The following PTCHD4 variants were observed in gnomAD, a reference collection of about 807,000 sequenced individuals.
The protein encoded by PTCHD4 is patched domain-containing protein 4.
A neutral mutation model predicts 58.1 loss-of-function variants in PTCHD4; 33 were observed. That is an observed-to-expected ratio of 0.57 (90% CI 0.43 to 0.76). PTCHD4 has a LOEUF of 0.76. Ranked by LOEUF, PTCHD4 falls within the 30% of genes least tolerant of loss-of-function variation. The pLI, the probability that PTCHD4 is intolerant of heterozygous loss-of-function variation, is 0.00. For missense variants in PTCHD4, 1,058 were observed against 1,027.1 expected (o/e 1.03, Z -0.41); for synonymous variants, 478 against 409.6 (o/e 1.17, Z -2.02).
intron 4 of PTCHD4, among the ~76,000 whole-genome samples, chr6:48,003,440 G>T (rs1344048310): frequency 6.6e-6 from 1 of 151,974 alleles, no homozygotes; most frequent in Non-Finnish European, 1.5e-5. Context: ...TCTCTTACAT[G>T]CCATATCTAG....
intron 3 of PTCHD4, among the ~76,000 whole-genome samples, chr6:48,033,061 A>C (rs1463154046): frequency 2.0e-5 from 3 of 152,140 alleles, no homozygotes; most frequent in Admixed American, 2.0e-4. Context: ...TTTTCTGAAC[A>C]GAAAAGGACA....
intron 3 of PTCHD4, among the ~76,000 whole-genome samples, chr6:48,057,328 T>C (rs1562030746): frequency 6.6e-6 from 1 of 152,208 alleles, no homozygotes; most frequent in East Asian, 1.9e-4. Context: ...CTGACTGGAA[T>C]GGGCTTTGGT....
At chr6:47,958,537 A>ATT (rs1164725584) in intron 4 of PTCHD4, among the ~76,000 whole-genome samples, 1 of 152,174 alleles carries the variant, frequency 6.6e-6, no homozygotes, top group Non-Finnish European at 1.5e-5. Context: ...TGGGAGGGGA[A>ATT]CACTGGGCAG....
chr6:48,033,562 T>C (rs569698290), intron 3 of PTCHD4, among the ~76,000 whole-genome samples: 3 of 151,764 alleles, frequency 2.0e-5, no homozygotes, highest in South Asian at 2.1e-4. Context: ...CCCCAGGCCA[T>C]ATGTATGGCC....
rs576047963 is a variant in PTCHD4, at chr6:47,931,217, A to G, written c.899-51281T>C. Among the ~76,000 whole-genome samples the G allele has an allele frequency of 1.1e-4, 16 of 152,342 alleles. No homozygotes were observed. In the South Asian group the frequency reaches 2.3e-3, roughly 22 times the overall value. ...GCTTAGCACTCCCCATTCACCACGA[A>G]CAGGAGGGGGCTGCAGCCATGTCTA... is the stretch of plus-strand genomic sequence containing the variant. On this transcript the variant is annotated intron_variant, in intron 4 of 4. Transcript: ENST00000339488.
At chr6:47,910,604 C>T (rs1228335203) in intron 4 of PTCHD4, among the ~76,000 whole-genome samples, 1 of 151,922 alleles carries the variant, frequency 6.6e-6, no homozygotes, top group African/African-American at 2.4e-5. Flanking sequence ...TCAAGATAGC[C>T]CTTGTAAGCT....
intron 4 of PTCHD4, among the ~76,000 whole-genome samples, chr6:47,979,697 A>T (rs1767810877): frequency 6.6e-6 from 1 of 152,092 alleles, no homozygotes; most frequent in Non-Finnish European, 1.5e-5. Context: ...ATCCAATTTG[A>T]TATGCCATAC....
intron 3 of PTCHD4, among the ~76,000 whole-genome samples, chr6:48,056,380 T>C (rs1254057133): frequency 1.3e-5 from 2 of 152,212 alleles, no homozygotes; most frequent in African/African-American, 4.8e-5. Context: ...ACCTATACTG[T>C]CTAGGGGTTC....
intron 4 of PTCHD4, among the ~76,000 whole-genome samples, chr6:47,970,447 G>T (rs1373615891): frequency 1.3e-5 from 2 of 152,116 alleles, no homozygotes; most frequent in Non-Finnish European, 2.9e-5. Context: ...AAAAATGCAA[G>T]AATTTGCGGC....
intron 1 of PTCHD4, among the ~76,000 whole-genome samples, chr6:48,075,893 T>C (rs1765057080): frequency 6.6e-6 from 1 of 152,232 alleles, no homozygotes; most frequent in South Asian, 2.1e-4. Flanking sequence ...AGAGTGGTTG[T>C]GGAAATTTCT....
rs949065792 is a variant in PTCHD4 at position 47,870,540 on chromosome 6, T to C, written c.*7763A>G. 5.3e-5 allele frequency among the ~76,000 whole-genome samples: 8 copies of C among 151,674 alleles called. No homozygotes were observed. The highest frequency in any genetic ancestry group is 1.2e-4 in the Non-Finnish European group (8 of 67,742). ...GTTTTTTCACTGATCAACATAGAGG[T>C]AAATTTTGATAATGGACCAAATTCA... On this transcript the variant is annotated 3_prime_UTR_variant, in exon 5 of 5. Transcript: ENST00000339488.
intron 1 of PTCHD4, among the ~76,000 whole-genome samples, chr6:48,101,059 G>GA (rs1765593162): frequency 1.5e-5 from 2 of 137,406 alleles, no homozygotes; most frequent in Admixed American, 7.1e-5. Flanking sequence ...AAGTTAAACA[G>GA]AAAAAAGAAA....
At chr6:48,009,565 G>T (rs897660821) in intron 3 of PTCHD4, among the ~76,000 whole-genome samples, 1 of 152,046 alleles carries the variant, frequency 6.6e-6, no homozygotes, top group African/African-American at 2.4e-5. Context: ...TCTTTCTAGG[G>T]TTCATTCATA....
chr6:47,886,677 C>T (rs1393590976), intron 4 of PTCHD4, among the ~76,000 whole-genome samples: 2 of 152,154 alleles, frequency 1.3e-5, no homozygotes, highest in African/African-American at 4.8e-5. Context: ...CAACTGAAAA[C>T]TCAGTCCAGC....
chr6:48,068,702 C>G lies in PTCHD4; in HGVS notation c.6-61G>C, dbSNP rs1764895645. ...CTACCCCGTTCTCCCCCATCCCACCCCCTGGGGCCAGTCCCCCCTCCCCAC... is the reference window on the plus strand; with the variant it reads ...CTACCCCGTTCTCCCCCATCCCACCGCCTGGGGCCAGTCCCCCCTCCCCAC... On this transcript the variant is annotated intron_variant, in intron 2 of 4. Coordinates refer to ENST00000339488, the MANE Select transcript of PTCHD4 (RefSeq NM_001384253.1). The surrounding 1 kb of genome is among the most constrained non-coding windows in gnomAD (Gnocchi z 4.2). 6 of 1,457,132 alleles carry G rather than the reference C, an allele frequency of 4.1e-6. No homozygotes were observed. Among genetic ancestry groups the G allele is most frequent in the South Asian group, 1.4e-5 (1 of 73,570 alleles). 90.3% of individuals were successfully genotyped at this position (1,457,132 alleles called of 1,614,324 possible). A position where few individuals can be genotyped will look rare whatever the true frequency, so the allele number is the denominator to read the frequency against.
At chr6:47,930,733 A>G (rs1476504823) in intron 4 of PTCHD4, among the ~76,000 whole-genome samples, 2 of 152,196 alleles carry the variant, frequency 1.3e-5, no homozygotes, top group African/African-American at 4.8e-5. Context: ...GTCTCCTTTC[A>G]TATTATAAAT....
intron 4 of PTCHD4, among the ~76,000 whole-genome samples, chr6:47,978,202 CCTT>C (rs1246742426): frequency 1.3e-5 from 2 of 152,132 alleles, no homozygotes; most frequent in Non-Finnish European, 2.9e-5. Flanking sequence ...TGTAGAGTCT[CCTT>C]CTTACTTCAC....
intron 3 of PTCHD4, among the ~76,000 whole-genome samples, chr6:48,027,825 G>C (rs76326196): frequency 6.6e-6 from 1 of 152,076 alleles, no homozygotes; most frequent in East Asian, 1.9e-4. Context: ...ATTCACAACT[G>C]TCTACTTCCT....
intron 3 of PTCHD4, among the ~76,000 whole-genome samples, chr6:48,021,592 T>C (rs746546318): frequency 6.6e-6 from 1 of 150,978 alleles, no homozygotes; most frequent in South Asian, 2.1e-4. Flanking sequence ...TAAACTATCA[T>C]GCTAAGTGAA....
Sources: allele counts gnomAD v4.1 joint callset (sites outside exome capture counted in the v4.1 genomes callset), GRCh38; gene constraint gnomAD v4.1.1; non-coding constraint Gnocchi (gnomAD v3.1); transcripts MANE v1.5; gene names NCBI Gene and HGNC (gene_info 2026-07-23, HGNC 2026-07-21).